TMEFF2: variants seen among roughly 807,000 people sequenced by gnomAD.
TMEFF2 encodes the protein transmembrane protein with EGF like and two follistatin like domains 2, also known as tomoregulin-2.
A neutral mutation model predicts 53.8 loss-of-function variants in TMEFF2; 28 were observed. The observed-to-expected ratio is 0.52, with a 90% confidence interval of 0.39 to 0.71. TMEFF2 has a LOEUF of 0.71. Among genes scored for constraint, TMEFF2 ranks in the 30% least tolerant of loss-of-function variants. The pLI is 0.00. For missense variants in TMEFF2, 353 were observed against 455.2 expected (o/e 0.78, Z 2.04); for synonymous variants, 162 against 166.3 (o/e 0.97, Z 0.20).
At chr2:192,097,485 G>T (rs532717355) in intron 4 of TMEFF2, among the ~76,000 whole-genome samples, 19 of 152,222 alleles carry the variant, frequency 1.2e-4, no homozygotes, top group African/African-American at 4.6e-4. Context: ...CAAACATTTC[G>T]AATAGATTTT....
chr2:192,051,003 G>C (rs759657254), intron 5 of TMEFF2, among the ~76,000 whole-genome samples: 1 of 152,076 alleles, frequency 6.6e-6, no homozygotes, highest in Non-Finnish European at 1.5e-5. Flanking sequence ...TTAAAGGAAT[G>C]AGAGGTATCT....
At chr2:192,064,551 G>C (rs749421695) in intron 4 of TMEFF2, among the ~76,000 whole-genome samples, 1 of 151,750 alleles carries the variant, frequency 6.6e-6, no homozygotes, top group Non-Finnish European at 1.5e-5. Flanking sequence ...CATTCTCCAT[G>C]AAAAACACTT....
chr2:192,149,808 T>C (rs911755997), intron 4 of TMEFF2, among the ~76,000 whole-genome samples: 2 of 152,008 alleles, frequency 1.3e-5, no homozygotes, highest in African/African-American at 4.8e-5. Flanking sequence ...TACCATTACA[T>C]ATTTTCATAC....
intron 4 of TMEFF2, among the ~76,000 whole-genome samples, chr2:192,147,493 A>G (rs1334813355): frequency 1.4e-5 from 2 of 143,346 alleles, no homozygotes; most frequent in Non-Finnish European, 3.0e-5. Flanking sequence ...CCCCCACCCC[A>G]CAACAGGCCC....
chr2:191,968,283 A>T (rs1692525505), intron 7 of TMEFF2, among the ~76,000 whole-genome samples: 1 of 152,226 alleles, frequency 6.6e-6, no homozygotes. Flanking sequence ...CAGCTCAGCT[A>T]GTCCGTGGGA....
intron 4 of TMEFF2, among the ~76,000 whole-genome samples, chr2:192,090,484 A>G (rs1574363490): frequency 1.3e-5 from 2 of 152,296 alleles, no homozygotes; most frequent in African/African-American, 2.4e-5. Flanking sequence ...GCAATCTATT[A>G]TCATAATAAA....
At chr2:192,002,802 C>T (rs984388321) in intron 5 of TMEFF2, among the ~76,000 whole-genome samples, 1 of 152,058 alleles carries the variant, frequency 6.6e-6, no homozygotes, top group Non-Finnish European at 1.5e-5. Context: ...TACACTCCAG[C>T]CTGGGCAACA....
At chr2:192,007,703 G>T (rs1199179859) in intron 5 of TMEFF2, among the ~76,000 whole-genome samples, 3 of 152,176 alleles carry the variant, frequency 2.0e-5, no homozygotes, top group Non-Finnish European at 1.5e-5. Context: ...GTGATGAGAA[G>T]GTCAACATGA....
At chr2:192,090,475 C>A (rs768521480) in intron 4 of TMEFF2, among the ~76,000 whole-genome samples, 2 of 152,062 alleles carry the variant, frequency 1.3e-5, no homozygotes, top group African/African-American at 4.8e-5. Context: ...TAATAAAAAG[C>A]AATCTATTAT....
intron 5 of TMEFF2, among the ~76,000 whole-genome samples, chr2:192,048,500 G>A (rs1222742013): frequency 6.6e-6 from 1 of 151,166 alleles, no homozygotes; most frequent in African/African-American, 2.4e-5. Flanking sequence ...GATGGAATGT[G>A]TGTATTTATA....
chr2:191,999,836 A>AC (rs1559078908), intron 5 of TMEFF2, among the ~76,000 whole-genome samples: 1 of 151,640 alleles, frequency 6.6e-6, no homozygotes, highest in African/African-American at 2.4e-5. Context: ...CATATAAACA[A>AC]CCCTTCTGTA....
rs1574453430 is a variant in TMEFF2, at chr2:192,194,273, G to A, written c.172+80C>T. On this transcript the variant is annotated intron_variant, in intron 1 of 9. Transcript: ENST00000272771. This position sits in a 1 kb window ranked among gnomAD's most constrained non-coding sequence, Gnocchi z 4.2. ...AGGAGGTGAGGGGCTGAGGAGGCGCGCTAGGGTAGGCTGGTCTGTGCTGGA... is the reference window on the plus strand; with the variant it reads ...AGGAGGTGAGGGGCTGAGGAGGCGCACTAGGGTAGGCTGGTCTGTGCTGGA... The A allele has an allele frequency of 1.3e-6, 2 of 1,544,214 alleles. No individual in the cohort carries two copies. The highest frequency in any genetic ancestry group is 1.2e-5 in the South Asian group (1 of 83,304).
intron 4 of TMEFF2, among the ~76,000 whole-genome samples, chr2:192,070,654 T>C (rs1333120816): frequency 6.6e-6 from 1 of 151,896 alleles, no homozygotes; most frequent in Admixed American, 6.6e-5. Flanking sequence ...ACATATTTTA[T>C]ATCCATCTTA....
chr2:192,062,562 AATT>A (rs1034677116), intron 4 of TMEFF2, among the ~76,000 whole-genome samples: 12 of 152,136 alleles, frequency 7.9e-5, no homozygotes, highest in African/African-American at 2.9e-4. Flanking sequence ...TTAAGGCAAA[AATT>A]ATTGTTGGTG....
At chr2:192,118,623 C>T (rs1046089563) in intron 4 of TMEFF2, among the ~76,000 whole-genome samples, 1 of 152,198 alleles carries the variant, frequency 6.6e-6, no homozygotes, top group Middle Eastern at 3.4e-3. Context: ...TTCAGCACAC[C>T]TAAATATGAA....
At chr2:192,129,994 TA>T (rs1236526449) in intron 4 of TMEFF2, among the ~76,000 whole-genome samples, 1 of 152,212 alleles carries the variant, frequency 6.6e-6, no homozygotes, top group Admixed American at 6.5e-5. Context: ...TCCCTAAATA[TA>T]AAACAAATAG....
intron 4 of TMEFF2, among the ~76,000 whole-genome samples, chr2:192,104,551 C>T (rs1051210683): frequency 6.6e-6 from 1 of 152,002 alleles, no homozygotes; most frequent in Non-Finnish European, 1.5e-5. Context: ...TGGTTACTGG[C>T]AAACATTTTA....
intron 4 of TMEFF2, among the ~76,000 whole-genome samples, chr2:192,086,162 T>C (rs532489695): frequency 3.9e-5 from 6 of 152,192 alleles, no homozygotes; most frequent in Admixed American, 6.6e-5. Context: ...AGAGGACTCA[T>C]TGATATCTGT....
intron 4 of TMEFF2, among the ~76,000 whole-genome samples, chr2:192,174,372 C>T (rs1003422440): frequency 3.3e-5 from 5 of 151,696 alleles, no homozygotes; most frequent in African/African-American, 1.2e-4. Context: ...ACAAAGGTCC[C>T]TTTCTCCTCC....
Sources: gnomAD v4.1 joint callset for allele counts (sites outside exome capture counted in the v4.1 genomes callset) on GRCh38, gnomAD v4.1.1 for gene constraint, Gnocchi (gnomAD v3.1) non-coding constraint, MANE v1.5 for transcripts, NCBI Gene and HGNC (gene_info 2026-07-23, HGNC 2026-07-21) for gene names.